ASIC2: variants seen among roughly 807,000 people sequenced by gnomAD.
The protein encoded by ASIC2 is acid-sensing ion channel 2.
A neutral mutation model predicts 57.3 loss-of-function variants in ASIC2; 25 were observed. The observed-to-expected ratio is 0.44, with a 90% CI of 0.32 to 0.61. The LOEUF (loss-of-function observed/expected upper bound fraction) is 0.61. Ranked by LOEUF, ASIC2 falls within the 20% of genes least tolerant of loss-of-function variation. The probability of loss-of-function intolerance (pLI) is 0.06; values close to 1 mark genes in which losing one functional copy is unlikely to be tolerated. For missense variants in ASIC2, 641 were observed against 738.1 expected, an observed-to-expected ratio of 0.87 and a Z score of 1.52; for synonymous variants, 319 against 307.5, an observed-to-expected ratio of 1.04 and a Z score of -0.39.
chr17:33,236,365 A>T (rs754379767), intron 1 of ASIC2, among the ~76,000 whole-genome samples: 30 of 151,688 alleles, frequency 2.0e-4, no homozygotes, highest in Middle Eastern at 3.4e-3. Flanking sequence ...TTTTTTTTGG[A>T]ATAGCATCTT....
chr17:33,025,982 C>T lies in ASIC2; in HGVS notation c.1139G>A (p.Gly380Glu). The T allele has an allele frequency of 2.5e-6, 4 of 1,613,616 alleles. No homozygotes were observed. The highest frequency in any genetic ancestry group is 3.4e-6 in the Non-Finnish European group (4 of 1,179,784). Residue 380 changes from glycine (G) to glutamate (E), a missense_variant and splice_region_variant, in exon 5 of 10, where the codon GGG becomes GAG. Transcript: ENST00000225823. ...NCNCRMVHMPGDAPFCTPEQH... is the reference protein window; with the variant it reads ...NCNCRMVHMPEDAPFCTPEQH... ...CTCAGGGGTACAAAAAGGGGCATCCCCTGCAAAGAAGAAACACCAGACAGA... is the reference window on the plus strand; with the variant it reads ...CTCAGGGGTACAAAAAGGGGCATCCTCTGCAAAGAAGAAACACCAGACAGA...
At chr17:33,485,959 A>C (rs1443440189) in intron 1 of ASIC2, among the ~76,000 whole-genome samples, 1 of 152,200 alleles carries the variant, frequency 6.6e-6, no homozygotes, top group Non-Finnish European at 1.5e-5. Context: ...CAGGGGGCAC[A>C]TGCCCCTTCC....
chr17:33,116,319 G>C (rs767812962), intron 1 of ASIC2, among the ~76,000 whole-genome samples: 6 of 152,212 alleles, frequency 3.9e-5, no homozygotes, highest in Non-Finnish European at 5.9e-5. Flanking sequence ...CTTGGAACAA[G>C]ATGCAGCTCT....
At chr17:33,703,768 C>T (rs1050717549) in intron 1 of ASIC2, among the ~76,000 whole-genome samples, 1 of 152,128 alleles carries the variant, frequency 6.6e-6, no homozygotes, top group Non-Finnish European at 1.5e-5. Context: ...TCTGTAAGCT[C>T]CCCTGTTCTG....
chr17:33,564,337 G>A (rs1296217569), intron 1 of ASIC2, among the ~76,000 whole-genome samples: 1 of 152,182 alleles, frequency 6.6e-6, no homozygotes, highest in East Asian at 1.9e-4. Context: ...TAATCCACCG[G>A]TCAGTTTGCA....
chr17:33,537,967 C>T (rs1313965473), intron 1 of ASIC2, among the ~76,000 whole-genome samples: 3 of 152,116 alleles, frequency 2.0e-5, no homozygotes, highest in Non-Finnish European at 2.9e-5. Context: ...TACGTGACTT[C>T]GGGCAAGTTA....
chr17:34,146,222 G>A (rs776688719), intron 1 of ASIC2, among the ~76,000 whole-genome samples: 6 of 152,256 alleles, frequency 3.9e-5, no homozygotes, highest in East Asian at 3.9e-4. Context: ...TGTTATCGCC[G>A]TCTTGAGTTG....
intron 1 of ASIC2, among the ~76,000 whole-genome samples, chr17:34,032,435 T>C (rs1222122826): frequency 6.6e-6 from 1 of 152,198 alleles, no homozygotes; most frequent in Non-Finnish European, 1.5e-5. Context: ...CCATCAAGGC[T>C]AGGAAGAAAC....
intron 1 of ASIC2, among the ~76,000 whole-genome samples, chr17:33,485,125 A>T (rs565541783): frequency 1.3e-5 from 2 of 152,358 alleles, no homozygotes. Context: ...ACATAGTCAC[A>T]TGGGGCTATG....
At chr17:33,924,896 T>C (rs1177026510) in intron 1 of ASIC2, among the ~76,000 whole-genome samples, 14 of 152,230 alleles carry the variant, frequency 9.2e-5, no homozygotes, top group African/African-American at 7.2e-5. Context: ...GTGATGACCA[T>C]GCAGACACAT....
chr17:33,359,434 G>A (rs1045739670), intron 1 of ASIC2, among the ~76,000 whole-genome samples: 5 of 152,148 alleles, frequency 3.3e-5, no homozygotes, highest in African/African-American at 4.8e-5. Flanking sequence ...TGAATCCATG[G>A]TATGAGGCCA....
intron 2 of ASIC2, among the ~76,000 whole-genome samples, chr17:33,098,951 T>C (rs1337618748): frequency 4.0e-5 from 6 of 148,540 alleles, no homozygotes; most frequent in Middle Eastern, 7.3e-3. Flanking sequence ...ACAAAATATA[T>C]ATATAAACAA....
intron 1 of ASIC2, among the ~76,000 whole-genome samples, chr17:33,802,086 A>G (rs1912148410): frequency 6.6e-6 from 1 of 152,260 alleles, no homozygotes; most frequent in South Asian, 2.1e-4. Flanking sequence ...ATAGTCATGC[A>G]CTGTATAACA....
At chr17:33,133,125 C>T (rs1023759487) in intron 1 of ASIC2, among the ~76,000 whole-genome samples, 4 of 152,134 alleles carry the variant, frequency 2.6e-5, no homozygotes, top group Admixed American at 6.5e-5. Context: ...TTGGGCTGAG[C>T]GATCAGCTCT....
intron 1 of ASIC2, among the ~76,000 whole-genome samples, chr17:33,854,481 G>T (rs1042996432): frequency 1.3e-5 from 2 of 152,202 alleles, no homozygotes; most frequent in Admixed American, 1.3e-4. Flanking sequence ...AGTACATGTG[G>T]ACATATGTGA....
At chr17:33,251,358 C>A (rs1567799099) in intron 1 of ASIC2, among the ~76,000 whole-genome samples, 1 of 152,152 alleles carries the variant, frequency 6.6e-6, no homozygotes, top group African/African-American at 2.4e-5. Context: ...GAGACAGGGT[C>A]TTGTACTGTC....
intron 1 of ASIC2, among the ~76,000 whole-genome samples, chr17:33,888,457 C>T (rs1429804941): frequency 6.6e-6 from 1 of 152,174 alleles, no homozygotes; most frequent in East Asian, 1.9e-4. Flanking sequence ...CTAACCCTAA[C>T]CTTCCCACTC....
intron 1 of ASIC2, among the ~76,000 whole-genome samples, chr17:33,662,658 A>C (rs1315188319): frequency 1.5e-4 from 22 of 146,066 alleles, no homozygotes; most frequent in Admixed American, 2.1e-4. Context: ...TAAATAAATA[A>C]ATAAATAAAT....
intron 1 of ASIC2, among the ~76,000 whole-genome samples, chr17:33,550,341 T>A (rs185776502): frequency 1.3e-5 from 2 of 152,166 alleles, no homozygotes; most frequent in African/African-American, 4.8e-5. Context: ...GCTATGTGAG[T>A]GCTGGTGGGC....
Sources: gnomAD v4.1 joint callset for allele counts (sites outside exome capture counted in the v4.1 genomes callset) on GRCh38, gnomAD v4.1.1 for gene constraint, MANE v1.5 for transcripts, NCBI Gene and HGNC (gene_info 2026-07-23, HGNC 2026-07-21) for gene names.